Variants in CDH13 observed in about 807,000 individuals in gnomAD.
CDH13 encodes cadherin-13.
Under a neutral mutation model 63.8 loss-of-function variants are expected in CDH13, and 24 were observed. That is an observed-to-expected ratio of 0.38 (90% CI 0.27 to 0.53). The LOEUF (loss-of-function observed/expected upper bound fraction) is 0.53. CDH13 is among the 20% of genes least tolerant of loss of function. The pLI is 0.85. For synonymous variants in CDH13, 503 were observed against 355.3 expected, an observed-to-expected ratio of 1.42 and a Z score of -4.67; for missense variants, 1,049 against 903.1, an observed-to-expected ratio of 1.16 and a Z score of -2.07.
Position 83,068,026 on chromosome 16 carries a change from C to A in CDH13, c.366+35808C>A, listed in dbSNP as rs539684816. Among the ~76,000 whole-genome samples the A allele has an allele frequency of 1.5e-3, 223 of 152,292 alleles. 1 individual carries two copies. Among genetic ancestry groups the A allele is most frequent in the South Asian group, 8.7e-3 (42 of 4,828 alleles). On this transcript the variant is annotated intron_variant, in intron 3 of 13. Transcript: ENST00000567109. Reference sequence around the variant, plus strand: ...AGTTCATCATCTCAGTCAATCCTCCCAGCTCCTCTATTAGATCCATATGAC... The same window carrying A: ...AGTTCATCATCTCAGTCAATCCTCCAAGCTCCTCTATTAGATCCATATGAC...
chr16:83,403,528 C>T lies in CDH13; in HGVS notation c.781+58522C>T, dbSNP rs542059370. ...GTCCCAGCCACTCAGGAGGCTGAGA[C>T]AGGAGAGTGGCGTGAACCTGGGAGG... On this transcript the variant is annotated intron_variant, in intron 6 of 13. Coordinates refer to ENST00000567109, the MANE Select transcript of CDH13 (RefSeq NM_001257.5). Among the ~76,000 whole-genome samples the T allele has an allele frequency of 1.6e-3, 244 of 152,184 alleles. 1 individual carries two copies. Among genetic ancestry groups the T allele is most frequent in the Non-Finnish European group, 7.2e-4 (49 of 68,002 alleles).
intron 2 of CDH13, among the ~76,000 whole-genome samples, chr16:83,025,025 A>G (rs1044478476): frequency 6.6e-6 from 1 of 152,198 alleles, no homozygotes; most frequent in African/African-American, 2.4e-5. Flanking sequence ...AGAAGGAATG[A>G]CAGAGGAGGA....
At chr16:83,269,760 C>T (rs1366711194) in intron 5 of CDH13, among the ~76,000 whole-genome samples, 1 of 152,182 alleles carries the variant, frequency 6.6e-6, no homozygotes, top group Non-Finnish European at 1.5e-5. Flanking sequence ...AGCCTTGCTC[C>T]TCACCAGGTA....
intron 6 of CDH13, among the ~76,000 whole-genome samples, chr16:83,362,602 G>C (rs2091183312): frequency 6.6e-6 from 1 of 152,158 alleles, no homozygotes; most frequent in African/African-American, 2.4e-5. Context: ...TGTTTCATGT[G>C]AGGACACAGA....
intron 5 of CDH13, among the ~76,000 whole-genome samples, chr16:83,252,056 T>C (rs953042899): frequency 6.8e-6 from 1 of 147,874 alleles, no homozygotes; most frequent in Admixed American, 6.8e-5. Flanking sequence ...TACCTCTTTT[T>C]TAAATAAATA....
chr16:83,184,797 C>T (rs528064440), intron 4 of CDH13, among the ~76,000 whole-genome samples: 110 of 152,040 alleles, frequency 7.2e-4, no homozygotes, highest in African/African-American at 2.6e-3. Flanking sequence ...TTGATGAGGA[C>T]GGTAATAATA....
chr16:83,686,360 G>A (rs1304815820), intron 10 of CDH13, among the ~76,000 whole-genome samples: 1 of 152,170 alleles, frequency 6.6e-6, no homozygotes, highest in East Asian at 1.9e-4. Context: ...GTACCATTGA[G>A]TTAGTTAAGC....
intron 7 of CDH13, among the ~76,000 whole-genome samples, chr16:83,498,661 G>T (rs1238925198): frequency 6.6e-6 from 1 of 152,172 alleles, no homozygotes; most frequent in African/African-American, 2.4e-5. Context: ...ACCCCTATCA[G>T]CCCATCTCCA....
Position 83,494,978 on chromosome 16 carries a change from T to C in CDH13, c.960+8323T>C, listed in dbSNP as rs1276919927. Among the ~76,000 whole-genome samples, 5 of 152,212 alleles carry C rather than the reference T, an allele frequency of 3.3e-5. No homozygotes were observed. In the East Asian group the frequency reaches 9.7e-4, roughly 29 times the overall value. On this transcript the variant is annotated intron_variant, in intron 7 of 13. Coordinates refer to ENST00000567109, the MANE Select transcript of CDH13 (RefSeq NM_001257.5). ...ATAGGATCATCTATTGCATTGGAGGTCAGGAAACTTTTTTTTTAAAGGGCC... is the reference window on the plus strand; with the variant it reads ...ATAGGATCATCTATTGCATTGGAGGCCAGGAAACTTTTTTTTTAAAGGGCC...
intron 2 of CDH13, among the ~76,000 whole-genome samples, chr16:82,933,943 G>T (rs931211781): frequency 6.6e-6 from 1 of 152,180 alleles, no homozygotes; most frequent in African/African-American, 2.4e-5. Context: ...CCTCCTCCTG[G>T]CTGCTTTCAT....
At chr16:83,499,149 G>A (rs9933764) in intron 7 of CDH13, among the ~76,000 whole-genome samples, 148,177 of 152,338 alleles carry the variant, frequency 0.97, 72,206 homozygotes, top group East Asian at 1. Flanking sequence ...GGTTTGTTCA[G>A]TAAATTATGG....
At chr16:82,635,331 A>G (rs1481757441) in intron 1 of CDH13, among the ~76,000 whole-genome samples, 1 of 152,246 alleles carries the variant, frequency 6.6e-6, no homozygotes, top group Non-Finnish European at 1.5e-5. Flanking sequence ...GAGGAGCAGT[A>G]GGGCTTACAG....
chr16:83,498,777 A>G (rs1441936534), intron 7 of CDH13, among the ~76,000 whole-genome samples: 1 of 152,244 alleles, frequency 6.6e-6, no homozygotes, highest in Non-Finnish European at 1.5e-5. Flanking sequence ...TTTAACACAG[A>G]AAAGCAAAAT....
chr16:83,389,285 G>A (rs939001788), intron 6 of CDH13, among the ~76,000 whole-genome samples: 10 of 152,024 alleles, frequency 6.6e-5, no homozygotes, highest in Admixed American at 1.3e-4. Flanking sequence ...GTATCTTAAC[G>A]TTTTAGTGTA....
intron 6 of CDH13, among the ~76,000 whole-genome samples, chr16:83,345,324 A>G (rs890764111): frequency 6.6e-6 from 1 of 152,190 alleles, no homozygotes; most frequent in African/African-American, 2.4e-5. Flanking sequence ...CCAAGGCTAA[A>G]CTTTGTGCTA....
intron 6 of CDH13, among the ~76,000 whole-genome samples, chr16:83,431,125 T>C (rs1567667850): frequency 2.6e-5 from 4 of 152,002 alleles, no homozygotes; most frequent in South Asian, 2.1e-4. Flanking sequence ...GTTTCATCCA[T>C]GTCCCTACAA....
intron 1 of CDH13, among the ~76,000 whole-genome samples, chr16:82,729,961 G>A (rs959902765): frequency 6.6e-6 from 1 of 152,176 alleles, no homozygotes; most frequent in Non-Finnish European, 1.5e-5. Context: ...AACTCTGCTA[G>A]CTTTCAACCT....
At chr16:83,776,862 T>G (rs1417450989) in intron 11 of CDH13, among the ~76,000 whole-genome samples, 2 of 152,210 alleles carry the variant, frequency 1.3e-5, no homozygotes, top group South Asian at 4.1e-4. Flanking sequence ...ATTCTGAACT[T>G]TCACCCTGGG....
chr16:82,633,938 A>G (rs1178465805), intron 1 of CDH13, among the ~76,000 whole-genome samples: 1 of 152,220 alleles, frequency 6.6e-6, no homozygotes, highest in African/African-American at 2.4e-5. Context: ...ATATACACAT[A>G]TGAAAAAAAG....
Sources: allele counts gnomAD v4.1 joint callset (sites outside exome capture counted in the v4.1 genomes callset), GRCh38; gene constraint gnomAD v4.1.1; transcripts MANE v1.5; gene names NCBI Gene and HGNC (gene_info 2026-07-23, HGNC 2026-07-21).